The following MYT1L variants were observed in gnomAD, a reference collection of about 807,000 sequenced individuals.
MYT1L encodes myelin transcription factor 1 like.
MYT1L carries 12 observed loss-of-function variants against 126.7 expected under a neutral mutation model. The ratio of observed to expected loss-of-function variants is 0.09; its 90% CI spans 0.06 to 0.15. The LOEUF (loss-of-function observed/expected upper bound fraction) is 0.15. Ranked by LOEUF, MYT1L falls within the 10% of genes least tolerant of loss-of-function variation. The probability of loss-of-function intolerance (pLI) is 1.00; values close to 1 mark genes in which losing one functional copy is unlikely to be tolerated. For missense variants in MYT1L, 979 were observed against 1,585.2 expected, an observed-to-expected ratio of 0.62 and a Z score of 6.49; for synonymous variants, 541 against 604.2, an observed-to-expected ratio of 0.90 and a Z score of 1.53.
chr2:2,137,420 C>T (rs181023324), intron 3 of MYT1L, among the ~76,000 whole-genome samples: 17 of 152,304 alleles, frequency 1.1e-4, no homozygotes, highest in East Asian at 7.7e-4. Flanking sequence ...GAAAGCATCA[C>T]GCTACCTGAC....
At chr2:2,130,688 T>A (rs2082255076) in intron 3 of MYT1L, among the ~76,000 whole-genome samples, 1 of 152,202 alleles carries the variant, frequency 6.6e-6, no homozygotes, top group African/African-American at 2.4e-5. Context: ...TGATGAGAAC[T>A]TCATAGTACA....
chr2:2,263,586 C>T (rs990322931), intron 2 of MYT1L, among the ~76,000 whole-genome samples: 20 of 152,242 alleles, frequency 1.3e-4, no homozygotes, highest in Non-Finnish European at 1.9e-4. Flanking sequence ...GTTGCTGCTG[C>T]CCTCCTCTGC....
At chr2:2,010,099 C>T (rs1020885721) in intron 4 of MYT1L, among the ~76,000 whole-genome samples, 2 of 152,136 alleles carry the variant, frequency 1.3e-5, no homozygotes, top group African/African-American at 2.4e-5. Flanking sequence ...TCTGCCTTTA[C>T]ATTTTGGGCA....
At chr2:1,901,147 G>T (rs71442306) in intron 14 of MYT1L, among the ~76,000 whole-genome samples, 4,177 of 152,284 alleles carry the variant, frequency 0.027, 85 homozygotes, top group Non-Finnish European at 0.043. Context: ...TAAAGGCACC[G>T]TGACCTGGAG....
intron 4 of MYT1L, among the ~76,000 whole-genome samples, chr2:2,020,202 G>T (rs1558760195): frequency 6.6e-6 from 1 of 152,158 alleles, no homozygotes; most frequent in Non-Finnish European, 1.5e-5. Context: ...TTATTCCATA[G>T]TATAGCTACA....
At chr2:2,231,322 G>T (rs951953543) in intron 2 of MYT1L, among the ~76,000 whole-genome samples, 1 of 152,218 alleles carries the variant, frequency 6.6e-6, no homozygotes, top group Non-Finnish European at 1.5e-5. Context: ...AATTAACAAA[G>T]ATTTGTAGGT....
At chr2:2,004,041 TCTTTCCTGCATA>T (rs1464046221) in intron 4 of MYT1L, among the ~76,000 whole-genome samples, 11 of 151,446 alleles carry the variant, frequency 7.3e-5, no homozygotes, top group African/African-American at 1.2e-4. Flanking sequence ...CTGCATGCAT[TCTTTCCTGCATA>T]CTTTCCTGCA....
chr2:2,039,745 C>T (rs1388885318), intron 4 of MYT1L, among the ~76,000 whole-genome samples: 4 of 152,166 alleles, frequency 2.6e-5, no homozygotes, highest in Non-Finnish European at 5.9e-5. Flanking sequence ...ACAGGCATGC[C>T]TGCATCAGCC....
In MYT1L at chr2:1,917,325, C is replaced by T. The variant is rs2052985171; in HGVS notation, c.1498G>A (p.Glu500Lys). 6.2e-7 allele frequency: 1 copy of T among 1,612,018 alleles called. No homozygotes were observed. Among genetic ancestry groups the T allele is most frequent in the Non-Finnish European group, 8.5e-7 (1 of 1,178,590 alleles). The change falls in exon 11 of 25, where the codon GAA (glutamate) becomes AAA (lysine). Residue 500 changes from glutamate (E) to lysine (K), a missense_variant. Around this residue, in one of 12 missense-constraint regions of MYT1L, gnomAD observed 67 missense variants for 80.3 expected, o/e 0.83. Coordinates refer to ENST00000647738, the MANE Select transcript of MYT1L (RefSeq NM_001303052.2). The surrounding 1 kb of genome is among the most constrained non-coding windows in gnomAD (Gnocchi z 5.9). ...PYYGKDPSRT[E>K]KKESKCPTPG... is the part of the protein sequence containing the mutation. Reference sequence around the variant, plus strand: ...GTTGGACACTTGCTCTCTTTCTTTTCTGTTCTTGAGGGATCTAAAAGCGAC... The same window carrying T: ...GTTGGACACTTGCTCTCTTTCTTTTTTGTTCTTGAGGGATCTAAAAGCGAC...
intron 2 of MYT1L, among the ~76,000 whole-genome samples, chr2:2,256,130 G>A (rs574578320): frequency 7.9e-4 from 120 of 152,294 alleles, no homozygotes; most frequent in African/African-American, 2.8e-3. Context: ...CAAGACCCCC[G>A]GTGAATAGAC....
rs926029194 is a variant in MYT1L at position 1,861,189 on chromosome 2, C to T, written c.2712-9486G>A. Among the ~76,000 whole-genome samples the T allele has an allele frequency of 1.1e-4, 16 of 152,156 alleles. 1 individual carries two copies. Among genetic ancestry groups the T allele is most frequent in the Non-Finnish European group, 4.4e-5 (3 of 68,030 alleles). On this transcript the variant is annotated intron_variant, in intron 18 of 24. Coordinates refer to ENST00000647738, the MANE Select transcript of MYT1L (RefSeq NM_001303052.2). The stretch of plus-strand genomic sequence containing the variant: ...GTGCCTGGAGGGGTCCTGAGGGCAG[C>T]GACTTCTTCCACTGCTGAACTGGGG...
rs116144021 is a variant in MYT1L at position 2,172,006 on chromosome 2, G to C, written c.-304+866C>G. ...GCCATTTTTACCAGAATTTTCTTCT[G>C]CTATTCATCAGAGTAACATATATAA... is the stretch of plus-strand genomic sequence containing the variant. On this transcript the variant is annotated intron_variant, in intron 3 of 24. Transcript: ENST00000647738. Among the ~76,000 whole-genome samples, 609 of 152,208 alleles carry C rather than the reference G, an allele frequency of 4.0e-3. 2 individuals are homozygous for C. The highest frequency in any genetic ancestry group is 0.014 in the African/African-American group (589 of 41,534).
intron 4 of MYT1L, among the ~76,000 whole-genome samples, chr2:2,023,941 CTCAAT>C (rs1310103078): frequency 6.6e-6 from 1 of 152,152 alleles, no homozygotes; most frequent in Non-Finnish European, 1.5e-5. Flanking sequence ...TTTAAAGCCC[CTCAAT>C]TCAAACAAAA....
intron 23 of MYT1L, among the ~76,000 whole-genome samples, chr2:1,796,323 G>C (rs775675690): frequency 6.6e-6 from 1 of 152,218 alleles, no homozygotes; most frequent in Non-Finnish European, 1.5e-5. Flanking sequence ...ATCCCAAGGC[G>C]TTAGCAGTGG....
intron 13 of MYT1L, among the ~76,000 whole-genome samples, chr2:1,905,137 C>A (rs1254279337): frequency 6.6e-6 from 1 of 151,866 alleles, no homozygotes; most frequent in Non-Finnish European, 1.5e-5. Context: ...GATCCTTTTT[C>A]AAAAAAATAC....
chr2:1,980,753 C>T (rs1356487228), intron 5 of MYT1L, among the ~76,000 whole-genome samples: 1 of 152,190 alleles, frequency 6.6e-6, no homozygotes, highest in African/African-American at 2.4e-5. Context: ...TTTGTTTCCA[C>T]TAAGCCTCAG....
intron 2 of MYT1L, among the ~76,000 whole-genome samples, chr2:2,235,342 G>C (rs59328711): frequency 1.8e-5 from 1 of 56,800 alleles, no homozygotes; most frequent in African/African-American, 9.0e-5. Context: ...TGGTTAGCGT[G>C]TTCCTCAGAG....
intron 2 of MYT1L, among the ~76,000 whole-genome samples, chr2:2,275,222 G>GTGTGTGTA (rs1260938075): frequency 3.7e-4 from 56 of 151,742 alleles, no homozygotes; most frequent in African/African-American, 1.3e-3. Context: ...GTGTGTGTGT[G>GTGTGTGTA]TGTGTGTGTG....
intron 21 of MYT1L, among the ~76,000 whole-genome samples, chr2:1,815,330 T>C (rs796219714): frequency 2.3e-4 from 35 of 152,298 alleles, no homozygotes; most frequent in African/African-American, 6.3e-4. Flanking sequence ...AACAGGCCCC[T>C]TCCCCATCCT....
Sources: allele counts gnomAD v4.1 joint callset (sites outside exome capture counted in the v4.1 genomes callset), GRCh38; gene constraint gnomAD v4.1.1; regional missense constraint gnomAD v4.1.1; non-coding constraint Gnocchi (gnomAD v3.1); transcripts MANE v1.5; gene names NCBI Gene and HGNC (gene_info 2026-07-23, HGNC 2026-07-21).